The following RIMS2 variants were observed in gnomAD, a reference collection of about 807,000 sequenced individuals.
The protein encoded by RIMS2 is regulating synaptic membrane exocytosis 2, also known as regulating synaptic membrane exocytosis protein 2.
A neutral mutation model predicts 174.4 loss-of-function variants in RIMS2; 59 were observed. The observed-to-expected ratio is 0.34, with a 90% CI of 0.27 to 0.42. The LOEUF (loss-of-function observed/expected upper bound fraction) is 0.42. RIMS2 is among the 10% of genes least tolerant of loss of function. RIMS2 has a pLI of 1.00. For synonymous variants in RIMS2, 606 were observed against 572.5 expected (o/e 1.06, Z -0.84); for missense variants, 1,620 against 1,666.3 (o/e 0.97, Z 0.48).
intron 1 of RIMS2, among the ~76,000 whole-genome samples, chr8:103,569,739 C>A (rs1364227512): frequency 1.3e-5 from 2 of 151,904 alleles, no homozygotes; most frequent in African/African-American, 4.8e-5. Flanking sequence ...ACATCTGCCT[C>A]CTGAGTAGCT....
chr8:103,944,672 C>T lies in RIMS2; in HGVS notation c.2701+1746C>T, dbSNP rs180792750. On this transcript the variant is annotated intron_variant, in intron 14 of 23. Coordinates refer to ENST00000504942, the Ensembl canonical transcript of RIMS2. ...GGAATTATTATAATTTATCTTGTAG[C>T]TTTTAATATTTTCACATCCCCATAT... 2.6e-5 allele frequency among the ~76,000 whole-genome samples: 4 copies of T among 151,954 alleles called. No homozygotes were observed. In the East Asian group the frequency reaches 7.7e-4, roughly 29 times the overall value.
intron 19 of RIMS2, among the ~76,000 whole-genome samples, chr8:104,180,419 A>G (rs1199621604): frequency 6.7e-6 from 1 of 149,472 alleles, no homozygotes; most frequent in African/African-American, 2.5e-5. Context: ...CATTTTTTTC[A>G]GTACTCAACA....
chr8:103,855,389 C>A (rs2099022339), intron 3 of RIMS2, among the ~76,000 whole-genome samples: 1 of 151,844 alleles, frequency 6.6e-6, no homozygotes, highest in Non-Finnish European at 1.5e-5. Flanking sequence ...TTTTCTTCTG[C>A]TAGCTTTGGG....
chr8:103,769,152 G>A (rs751535282), intron 3 of RIMS2: 70 of 161,908 alleles, frequency 4.3e-4, no homozygotes, highest in Non-Finnish European at 6.7e-4. Flanking sequence ...GAGAGGCAGG[G>A]TTAGTAAGAA....
chr8:103,642,794 T>G (rs1381686071), intron 1 of RIMS2, among the ~76,000 whole-genome samples: 4 of 152,018 alleles, frequency 2.6e-5, no homozygotes, highest in Non-Finnish European at 5.9e-5. Flanking sequence ...ATTCTTATAC[T>G]GTTTCTCTGT....
rs911568608 is a variant in RIMS2, at chr8:103,963,970, A to G, written c.2770+2837A>G. 2.1e-4 allele frequency among the ~76,000 whole-genome samples: 32 copies of G among 152,138 alleles called. 1 individual carries two copies. Among genetic ancestry groups the G allele is most frequent in the Admixed American group, 1.4e-3 (21 of 15,262 alleles). ...CCTTTCAGATAGGCATCTTTCACTT[A>G]GTAATATGCTTTGTCTTTTCATGGT... On this transcript the variant is annotated intron_variant, in intron 15 of 23. Coordinates refer to ENST00000504942, the Ensembl canonical transcript of RIMS2.
intron 3 of RIMS2, among the ~76,000 whole-genome samples, chr8:103,797,896 A>G (rs759863379): frequency 8.5e-5 from 13 of 152,104 alleles, no homozygotes; most frequent in Non-Finnish European, 1.6e-4. Context: ...TATTGGCATA[A>G]TTATTAAGAG....
intron 1 of RIMS2, among the ~76,000 whole-genome samples, chr8:103,545,712 G>A (rs1210854810): frequency 6.6e-6 from 1 of 152,122 alleles, no homozygotes; most frequent in Non-Finnish European, 1.5e-5. Flanking sequence ...AGAGATTGGG[G>A]GCTTATCTTC....
At chr8:103,786,843 G>A (rs1396027836) in intron 3 of RIMS2, among the ~76,000 whole-genome samples, 4 of 152,038 alleles carry the variant, frequency 2.6e-5, no homozygotes, top group African/African-American at 4.8e-5. Flanking sequence ...TTTCTGTTTC[G>A]TTGATCTGTC....
intron 1 of RIMS2, among the ~76,000 whole-genome samples, chr8:103,546,667 A>T (rs190694355): frequency 1.5e-4 from 23 of 152,308 alleles, no homozygotes; most frequent in Admixed American, 1.0e-3. Context: ...AAAACACCTA[A>T]ATCATACTCA....
chr8:103,808,168 T>C (rs1408250498), intron 3 of RIMS2, among the ~76,000 whole-genome samples: 1 of 152,140 alleles, frequency 6.6e-6, no homozygotes, highest in East Asian at 1.9e-4. Context: ...GCAGCAATTC[T>C]TCAGTTTCCA....
At position 103,766,211 on chromosome 8, in the gene RIMS2, A is replaced by T. The variant is rs753461112; in HGVS notation, c.388-16A>T. The T allele has an allele frequency of 7.0e-6, 11 of 1,568,270 alleles. No individual in the cohort carries two copies. The South Asian group carries it at 9.4e-5, about 13-fold the overall frequency. On this transcript the variant is annotated splice_polypyrimidine_tract_variant and intron_variant, in intron 2 of 23. Transcript: ENST00000504942. ...TTGGGAACACTAATTTTTTCCCCCT[A>T]TGTCTTCATGTGCAGGTTATGTGGG...
intron 19 of RIMS2, among the ~76,000 whole-genome samples, chr8:104,085,994 G>A (rs1472748193): frequency 6.6e-6 from 1 of 152,074 alleles, no homozygotes; most frequent in East Asian, 1.9e-4. Flanking sequence ...AAAATGGGTA[G>A]ACAATGGATT....
chr8:103,778,044 T>C (rs2098337674), intron 3 of RIMS2, among the ~76,000 whole-genome samples: 1 of 151,974 alleles, frequency 6.6e-6, no homozygotes, highest in Non-Finnish European at 1.5e-5. Context: ...GACTTTGACA[T>C]TTTTAAAAAG....
chr8:103,768,240 C>A lies in RIMS2; in HGVS notation c.698+1703C>A, dbSNP rs1564566846. On this transcript the variant is annotated intron_variant, in intron 3 of 23. Coordinates refer to ENST00000504942, the Ensembl canonical transcript of RIMS2. ...ATGACTAAGTAAAATGAATAATGGGCTCTTTTTCGTGGTGCCTTGGAGGCA... is the reference window on the plus strand; with the variant it reads ...ATGACTAAGTAAAATGAATAATGGGATCTTTTTCGTGGTGCCTTGGAGGCA... 2.6e-5 allele frequency: 12 copies of A among 470,242 alleles called. No individual in the cohort carries two copies. The South Asian group carries it at 2.6e-4, about 10-fold the overall frequency. 29.1% of individuals were successfully genotyped at this position (470,242 alleles called of 1,614,324 possible). A position where few individuals can be genotyped will look rare whatever the true frequency, so the allele number is the denominator to read the frequency against.
At chr8:103,658,719 A>G (rs2096560917) in intron 1 of RIMS2, among the ~76,000 whole-genome samples, 1 of 152,102 alleles carries the variant, frequency 6.6e-6, no homozygotes, top group Admixed American at 6.5e-5. Flanking sequence ...ATGACTTACC[A>G]CACTCTTTTC....
At chr8:103,510,781 G>A (rs1001913025) in intron 1 of RIMS2, among the ~76,000 whole-genome samples, 4 of 151,932 alleles carry the variant, frequency 2.6e-5, no homozygotes, top group African/African-American at 9.7e-5. Context: ...CAGATATTCC[G>A]GAATAATCTT....
At chr8:104,063,693 A>T (rs2097049412) in intron 19 of RIMS2, among the ~76,000 whole-genome samples, 1 of 152,150 alleles carries the variant, frequency 6.6e-6, no homozygotes, top group Non-Finnish European at 1.5e-5. Context: ...CCCTTGTAAG[A>T]TCCTCAGATT....
chr8:104,201,302 A>C (rs980934336), intron 19 of RIMS2, among the ~76,000 whole-genome samples: 1 of 152,214 alleles, frequency 6.6e-6, no homozygotes, highest in Non-Finnish European at 1.5e-5. Context: ...ATTGCTGCAT[A>C]GAATTCAGGG....
Sources: allele counts gnomAD v4.1 joint callset (sites outside exome capture counted in the v4.1 genomes callset), GRCh38; gene constraint gnomAD v4.1.1; transcripts MANE v1.5; gene names NCBI Gene and HGNC (gene_info 2026-07-23, HGNC 2026-07-21).